Variants in TAOK3 observed in about 807,000 individuals in gnomAD.
TAOK3 encodes TAO kinase 3.
Under a neutral mutation model 120.4 loss-of-function variants are expected in TAOK3, and 40 were observed. That is an observed-to-expected ratio of 0.33 (90% confidence interval 0.26 to 0.43). The LOEUF (loss-of-function observed/expected upper bound fraction) is 0.43. TAOK3 is among the 20% of genes least tolerant of loss of function. The probability of loss-of-function intolerance (pLI) is 1.00; values close to 1 mark genes in which losing one functional copy is unlikely to be tolerated. For missense variants in TAOK3, 821 were observed against 1,112.1 expected, an observed-to-expected ratio of 0.74 and a Z score of 3.72; for synonymous variants, 355 against 387.5, an observed-to-expected ratio of 0.92 and a Z score of 0.99.
intron 1 of TAOK3, among the ~76,000 whole-genome samples, chr12:118,302,069 G>T (rs140869116): frequency 8.5e-5 from 13 of 152,192 alleles, no homozygotes; most frequent in African/African-American, 1.9e-4. Context: ...TGGGGTTTTT[G>T]ATCTGTTTTG....
Position 118,154,690 on chromosome 12 carries a change from C to T in TAOK3, c.2353-2281G>A, listed in dbSNP as rs1245503637. Among the ~76,000 whole-genome samples the T allele has an allele frequency of 2.6e-5, 4 of 152,276 alleles. No homozygotes were observed. In the East Asian group the frequency reaches 7.7e-4, roughly 29 times the overall value. On this transcript the variant is annotated intron_variant, in intron 19 of 20. Coordinates refer to ENST00000392533, the MANE Select transcript of TAOK3 (RefSeq NM_016281.4). Reference sequence around the variant, plus strand: ...TCCTGAACTCAGGTGATCCGCCTGCCTTGGCCTCCCAAAATACTGGGATTA... The same window carrying T: ...TCCTGAACTCAGGTGATCCGCCTGCTTTGGCCTCCCAAAATACTGGGATTA...
rs748860140 is a variant in TAOK3 at position 118,267,208 on chromosome 12, A to G, written c.-193-449T>C. On this transcript the variant is annotated intron_variant, in intron 1 of 20. Coordinates refer to ENST00000392533, the MANE Select transcript of TAOK3 (RefSeq NM_016281.4). ...ACCAATCTTCCACATTTTCAGGGTG[A>G]TGATTATTATTTATTTATTTTTTTT... is the stretch of plus-strand genomic sequence containing the variant. 1.6e-4 allele frequency among the ~76,000 whole-genome samples: 24 copies of G among 151,904 alleles called. 1 individual carries two copies. The highest frequency in any genetic ancestry group is 2.9e-5 in the Non-Finnish European group (2 of 67,968).
In TAOK3 at chr12:118,372,533, G is replaced by C. The variant is rs1244235554; in HGVS notation, c.-194+115C>G. ...TCACCCGCTGTCCCGGTCCCTCCCG[G>C]GGTCTCCTCTCCACAGTCTGCACTG... is the stretch of plus-strand genomic sequence containing the variant. On this transcript the variant is annotated intron_variant, in intron 1 of 20. Coordinates refer to ENST00000392533, the MANE Select transcript of TAOK3 (RefSeq NM_016281.4). This position sits in a 1 kb window ranked among gnomAD's most constrained non-coding sequence, Gnocchi z 4.6. 6.5e-6 allele frequency: 1 copy of C among 154,258 alleles called. No homozygotes were observed. Among genetic ancestry groups the C allele is most frequent in the African/African-American group, 2.4e-5 (1 of 41,386 alleles). The allele number at this position is 154,258 out of a possible 1,614,324, so 9.6% of individuals were successfully genotyped here.
chr12:118,200,607 TC>T (rs996901940), intron 12 of TAOK3: 2 of 152,190 alleles, frequency 1.3e-5, no homozygotes, highest in Admixed American at 6.5e-5. Flanking sequence ...ACTGAAAACT[TC>T]TATCTGTATA....
chr12:118,324,734 C>CTTTTTTTTTT (rs35462737), intron 1 of TAOK3, among the ~76,000 whole-genome samples: 3 of 69,584 alleles, frequency 4.3e-5, no homozygotes, highest in African/African-American at 1.2e-4. Context: ...GAATTTCATT[C>CTTTTTTTTTT]TTTTTTTTTT....
intron 1 of TAOK3, among the ~76,000 whole-genome samples, chr12:118,274,177 C>G (rs111500064): frequency 1.9e-3 from 285 of 152,180 alleles, no homozygotes; most frequent in African/African-American, 6.8e-3. Context: ...AATTGCTGTT[C>G]CTGTTTGCCA....
chr12:118,197,749 G>A (rs899385705), intron 13 of TAOK3, among the ~76,000 whole-genome samples: 8 of 141,030 alleles, frequency 5.7e-5, no homozygotes, highest in South Asian at 2.3e-4. Context: ...GTGCAGTGGC[G>A]CAATCCTGGC....
At chr12:118,205,097 GAGA>G (rs1364451109) in intron 11 of TAOK3, among the ~76,000 whole-genome samples, 2 of 152,100 alleles carry the variant, frequency 1.3e-5, no homozygotes, top group Non-Finnish European at 2.9e-5. Flanking sequence ...TTGAACTTGG[GAGA>G]AGGAGGCTGA....
chr12:118,259,282 A>G (rs1370398382), intron 2 of TAOK3, among the ~76,000 whole-genome samples: 1 of 152,192 alleles, frequency 6.6e-6, no homozygotes, highest in African/African-American at 2.4e-5. Flanking sequence ...ACGGTGACTC[A>G]TGTCTGTAAT....
In TAOK3 at chr12:118,274,739, G is replaced by A. The variant is rs368655719; in HGVS notation, c.-193-7980C>T. On this transcript the variant is annotated intron_variant, in intron 1 of 20. Coordinates refer to ENST00000392533, the MANE Select transcript of TAOK3 (RefSeq NM_016281.4). ...TGCCTCTCAGGTTCCAGAGATTCTC[G>A]TGCCTCAATGTCCCAAGTAGCTGGG... 1.6e-4 allele frequency among the ~76,000 whole-genome samples: 25 copies of A among 151,726 alleles called. 1 individual carries two copies. In the East Asian group the frequency reaches 3.5e-3, roughly 21 times the overall value.
intron 1 of TAOK3, among the ~76,000 whole-genome samples, chr12:118,365,938 G>T (rs1474983598): frequency 1.3e-5 from 2 of 152,160 alleles, no homozygotes; most frequent in African/African-American, 4.8e-5. Flanking sequence ...TACATACCCT[G>T]AAACTAAAAG....
intron 1 of TAOK3, among the ~76,000 whole-genome samples, chr12:118,321,756 C>T (rs1454459126): frequency 6.6e-6 from 1 of 152,116 alleles, no homozygotes; most frequent in Non-Finnish European, 1.5e-5. Flanking sequence ...TGTTGTTTCA[C>T]TTATCTGAGA....
chr12:118,163,404 G>A (rs1271215247), intron 17 of TAOK3, among the ~76,000 whole-genome samples: 9 of 133,234 alleles, frequency 6.8e-5, no homozygotes, highest in Non-Finnish European at 1.3e-4. Context: ...CAGTTAACAT[G>A]CAAACAAAAA....
chr12:118,200,546 T>G (rs941329629), intron 12 of TAOK3: 7 of 152,214 alleles, frequency 4.6e-5, no homozygotes, highest in African/African-American at 1.7e-4. Context: ...TACTATTCAT[T>G]CTACCTAGTC....
intron 19 of TAOK3, among the ~76,000 whole-genome samples, chr12:118,155,162 A>G (rs2034732249): frequency 6.6e-6 from 1 of 151,138 alleles, no homozygotes; most frequent in Non-Finnish European, 1.5e-5. Context: ...TGCCTAGCTA[A>G]TTTTTGTATT....
At chr12:118,169,013 C>G (rs896031620) in intron 17 of TAOK3, among the ~76,000 whole-genome samples, 1 of 147,488 alleles carries the variant, frequency 6.8e-6, no homozygotes, top group Non-Finnish European at 1.5e-5. Context: ...TTCTTTCTTT[C>G]TTTCTTTCTA....
At chr12:118,267,604 C>T (rs138195443) in intron 1 of TAOK3, among the ~76,000 whole-genome samples, 1,903 of 150,958 alleles carry the variant, frequency 0.013, 41 homozygotes, top group African/African-American at 0.043. Context: ...GAAAAAAATC[C>T]GGCCGGACGC....
intron 17 of TAOK3, 74 bp from the exon 18 acceptor site, chr12:118,162,101 G>C: frequency 6.4e-7 from 1 of 1,566,830 alleles, no homozygotes; most frequent in South Asian, 1.1e-5. Flanking sequence ...AACTAAGTGA[G>C]GGAGGGCAAG....
chr12:118,348,165 A>AC (rs1327056744), intron 1 of TAOK3, among the ~76,000 whole-genome samples: 1 of 152,136 alleles, frequency 6.6e-6, no homozygotes, highest in East Asian at 1.9e-4. Context: ...TCTCCATGTT[A>AC]CCCCATCTCC....
Sources: gnomAD v4.1 joint callset for allele counts (sites outside exome capture counted in the v4.1 genomes callset) on GRCh38, gnomAD v4.1.1 for gene constraint, Gnocchi (gnomAD v3.1) non-coding constraint, MANE v1.5 for transcripts, NCBI Gene and HGNC (gene_info 2026-07-23, HGNC 2026-07-21) for gene names.